The following SLC25A21 variants were observed in gnomAD, a reference collection of about 807,000 sequenced individuals.
SLC25A21 encodes the protein solute carrier family 25 member 21, also known as mitochondrial 2-oxodicarboxylate carrier.
Under a neutral mutation model 43.8 loss-of-function variants are expected in SLC25A21, and 47 were observed. That is an observed-to-expected ratio of 1.07 (90% CI 0.85 to 1.37). The LOEUF is 1.37. Ranked by LOEUF, SLC25A21 falls within the 40% of genes most tolerant of loss-of-function variation. SLC25A21 has a pLI of 0.00. For synonymous variants in SLC25A21, 131 were observed against 121.3 expected, an observed-to-expected ratio of 1.08 and a Z score of -0.52; for missense variants, 352 against 350.2, an observed-to-expected ratio of 1.00 and a Z score of -0.04.
chr14:36,982,437 C>A (rs1960049204), intron 1 of SLC25A21, among the ~76,000 whole-genome samples: 1 of 152,010 alleles, frequency 6.6e-6, no homozygotes, highest in South Asian at 2.1e-4. Flanking sequence ...ACACATGGAA[C>A]AAAGAACAAA....
At chr14:36,983,873 G>A (rs1168028576) in intron 1 of SLC25A21, among the ~76,000 whole-genome samples, 1 of 152,140 alleles carries the variant, frequency 6.6e-6, no homozygotes, top group Non-Finnish European at 1.5e-5. Context: ...ATTATCCTAT[G>A]TGAAATAACT....
Position 36,881,733 on chromosome 14 carries a change from T to C in SLC25A21, c.71-6729A>G, listed in dbSNP as rs375702589. 4.7e-4 allele frequency among the ~76,000 whole-genome samples: 71 copies of C among 152,298 alleles called. No individual in the cohort carries two copies. The South Asian group carries it at 0.014, about 30-fold the overall frequency. On this transcript the variant is annotated intron_variant, in intron 1 of 9. Transcript: ENST00000331299. ...ACATAGGTACAAAAATGTAGAATGC[T>C]GATGTCATTCCTGTGCTTTCCTTCC...
chr14:36,684,659 G>A, intron 8 of SLC25A21, 85 bp downstream of exon 8: 1 of 1,295,080 alleles, frequency 7.7e-7, no homozygotes, highest in South Asian at 1.8e-5. Context: ...AGGGCTTACT[G>A]GTTCTCATCT....
intron 2 of SLC25A21, among the ~76,000 whole-genome samples, chr14:36,814,612 C>T (rs1888389870): frequency 1.3e-5 from 2 of 152,186 alleles, no homozygotes; most frequent in African/African-American, 4.8e-5. Context: ...ATCAAAACCA[C>T]AATGAGATAC....
chr14:36,971,593 G>A (rs568821650), intron 1 of SLC25A21, among the ~76,000 whole-genome samples: 7 of 151,998 alleles, frequency 4.6e-5, no homozygotes, highest in Admixed American at 3.3e-4. Flanking sequence ...GCTATGGTCC[G>A]CTGCTCCCTT....
intron 2 of SLC25A21, among the ~76,000 whole-genome samples, chr14:36,848,587 A>G (rs1330970647): frequency 6.6e-6 from 1 of 152,100 alleles, no homozygotes; most frequent in African/African-American, 2.4e-5. Flanking sequence ...GCAGGGTCTC[A>G]TCTACTCTCG....
chr14:37,137,461 T>C (rs964372986), intron 1 of SLC25A21, among the ~76,000 whole-genome samples: 3 of 152,260 alleles, frequency 2.0e-5, no homozygotes, highest in South Asian at 2.1e-4. Context: ...GAAGCATATA[T>C]GCCAGCTTAA....
intron 3 of SLC25A21, among the ~76,000 whole-genome samples, chr14:36,764,036 A>AAAGAAAG (rs1886266384): frequency 3.9e-5 from 1 of 25,626 alleles, no homozygotes; most frequent in African/African-American, 1.9e-4. Context: ...GAAAGAAAGA[A>AAAGAAAG]AAAGAAAGAA....
At chr14:37,125,569 C>A (rs753290328) in intron 1 of SLC25A21, among the ~76,000 whole-genome samples, 9 of 152,194 alleles carry the variant, frequency 5.9e-5, no homozygotes, top group Admixed American at 1.3e-4. Context: ...ACATTAAATT[C>A]TCTGACTTCC....
At chr14:36,985,147 A>G (rs943791142) in intron 1 of SLC25A21, among the ~76,000 whole-genome samples, 8 of 138,624 alleles carry the variant, frequency 5.8e-5, no homozygotes, top group Admixed American at 4.7e-4. Context: ...GGACACAGGA[A>G]GGGGAATATC....
At chr14:37,078,229 T>G (rs1824388490) in intron 1 of SLC25A21, among the ~76,000 whole-genome samples, 1 of 152,108 alleles carries the variant, frequency 6.6e-6, no homozygotes, top group African/African-American at 2.4e-5. Flanking sequence ...AAGAAAAATA[T>G]AGAGAAAATG....
At chr14:36,742,155 T>C (rs1038002391) in intron 3 of SLC25A21, among the ~76,000 whole-genome samples, 2 of 152,216 alleles carry the variant, frequency 1.3e-5, no homozygotes, top group African/African-American at 4.8e-5. Context: ...ATACAGATCT[T>C]GCTAGTTTGT....
chr14:36,834,818 G>A (rs1228945728), intron 2 of SLC25A21, among the ~76,000 whole-genome samples: 1 of 151,962 alleles, frequency 6.6e-6, no homozygotes, highest in South Asian at 2.1e-4. Flanking sequence ...GGGCCTTTTT[G>A]TCAAGTGACA....
At chr14:37,039,384 C>A (rs1566834011) in intron 1 of SLC25A21, among the ~76,000 whole-genome samples, 1 of 152,106 alleles carries the variant, frequency 6.6e-6, no homozygotes, top group Non-Finnish European at 1.5e-5. Context: ...TATTCATCAC[C>A]CCCAAAATGT....
chr14:37,062,429 G>A (rs537412225), intron 1 of SLC25A21, among the ~76,000 whole-genome samples: 3 of 152,062 alleles, frequency 2.0e-5, no homozygotes, highest in Admixed American at 2.0e-4. Context: ...TGCAAACCAC[G>A]TAACCTCCAC....
At chr14:37,121,185 A>G (rs1302801430) in intron 1 of SLC25A21, among the ~76,000 whole-genome samples, 3 of 152,216 alleles carry the variant, frequency 2.0e-5, no homozygotes, top group African/African-American at 7.2e-5. Flanking sequence ...TCCTAGACAC[A>G]GCTCATGAAA....
rs944384081 is a variant in SLC25A21 at position 37,102,435 on chromosome 14, T to C, written c.70+69846A>G. On this transcript the variant is annotated intron_variant, in intron 1 of 9. Coordinates refer to ENST00000331299, the MANE Select transcript of SLC25A21 (RefSeq NM_030631.4). ...TCCAGCCTGGGCAACAGAGACCTTGTCTCAAAAAAAAAAAAAAAGTAACAA... is the reference window on the plus strand; with the variant it reads ...TCCAGCCTGGGCAACAGAGACCTTGCCTCAAAAAAAAAAAAAAAGTAACAA... 4.7e-5 allele frequency among the ~76,000 whole-genome samples: 7 copies of C among 149,812 alleles called. No individual in the cohort carries two copies. In the East Asian group the frequency reaches 9.9e-4, roughly 21 times the overall value.
chr14:36,995,655 A>G (rs1375464689), intron 1 of SLC25A21, among the ~76,000 whole-genome samples: 1 of 152,222 alleles, frequency 6.6e-6, no homozygotes, highest in African/African-American at 2.4e-5. Flanking sequence ...CACACACTTT[A>G]AAGCTTGTAA....
At chr14:36,975,986 T>A (rs558230500) in intron 1 of SLC25A21, among the ~76,000 whole-genome samples, 7 of 152,186 alleles carry the variant, frequency 4.6e-5, no homozygotes, top group Non-Finnish European at 7.3e-5. Context: ...GCAGTGTCAA[T>A]GTAAACCAAC....
Sources: gnomAD v4.1 joint callset for allele counts (sites outside exome capture counted in the v4.1 genomes callset) on GRCh38, gnomAD v4.1.1 for gene constraint, MANE v1.5 for transcripts, NCBI Gene and HGNC (gene_info 2026-07-23, HGNC 2026-07-21) for gene names.